ARL8B: variants seen among roughly 807,000 people sequenced by gnomAD.
ARL8B encodes the protein ARF like GTPase 8B.
In ARL8B, 9 loss-of-function variants were observed where a neutral mutation model predicts 30.6. The observed-to-expected ratio is 0.29, with a 90% CI of 0.18 to 0.51. ARL8B has a LOEUF of 0.51. Ranked by LOEUF, ARL8B falls within the 20% of genes least tolerant of loss-of-function variation. ARL8B has a pLI of 0.97. For synonymous variants in ARL8B, 74 were observed against 76.0 expected (o/e 0.97, Z 0.14); for missense variants, 130 against 227.2 (o/e 0.57, Z 2.75).
At chr3:5,175,896 TA>T (rs1405305563) in intron 6 of ARL8B, among the ~76,000 whole-genome samples, 2 of 152,212 alleles carry the variant, frequency 1.3e-5, no homozygotes, top group African/African-American at 4.8e-5. Flanking sequence ...AGGGCCCACC[TA>T]ATCCAGTATG....
chr3:5,143,249 G>A (rs779764274), intron 1 of ARL8B, among the ~76,000 whole-genome samples: 2 of 152,180 alleles, frequency 1.3e-5, no homozygotes, highest in African/African-American at 2.4e-5. Context: ...TGCTCTTTGC[G>A]TAGTAGGCCA....
chr3:5,175,537 A>G (rs2054722124), intron 6 of ARL8B, among the ~76,000 whole-genome samples: 2 of 152,250 alleles, frequency 1.3e-5, no homozygotes, highest in African/African-American at 4.8e-5. Context: ...TTGGAATTAT[A>G]TGCCCAAAAT....
intron 1 of ARL8B, among the ~76,000 whole-genome samples, chr3:5,154,099 T>C (rs2054511820): frequency 6.6e-6 from 1 of 152,190 alleles, no homozygotes; most frequent in Non-Finnish European, 1.5e-5. Context: ...TATATCTGGA[T>C]GTGGATTTCT....
intron 1 of ARL8B, among the ~76,000 whole-genome samples, chr3:5,145,963 AT>A (rs1439150122): frequency 6.6e-6 from 1 of 152,104 alleles, no homozygotes; most frequent in Non-Finnish European, 1.5e-5. Flanking sequence ...CTAGGAAATT[AT>A]TATAGTGGTT....
intron 1 of ARL8B, among the ~76,000 whole-genome samples, chr3:5,139,828 T>A (rs975123890): frequency 8.5e-5 from 13 of 152,238 alleles, no homozygotes; most frequent in African/African-American, 3.1e-4. Context: ...CTGGGAATTC[T>A]GAATGAGTCA....
intron 1 of ARL8B, among the ~76,000 whole-genome samples, chr3:5,146,626 G>T (rs2054421078): frequency 6.6e-6 from 1 of 152,042 alleles, no homozygotes; most frequent in East Asian, 1.9e-4. Context: ...TTATTAGGAG[G>T]CCCATTATGA....
At chr3:5,178,076 A>G (rs1479379535) in intron 6 of ARL8B, among the ~76,000 whole-genome samples, 2 of 152,220 alleles carry the variant, frequency 1.3e-5, no homozygotes, top group Non-Finnish European at 1.5e-5. Flanking sequence ...AGTGAGGACA[A>G]GAATTACCCA....
intron 1 of ARL8B, among the ~76,000 whole-genome samples, chr3:5,159,321 T>C (rs1195659183): frequency 5.1e-5 from 4 of 77,936 alleles, no homozygotes; most frequent in Non-Finnish European, 1.0e-4. Flanking sequence ...AAAAAAAAAA[T>C]GCCAGGTGCG....
At chr3:5,136,558 C>T (rs1239916111) in intron 1 of ARL8B, among the ~76,000 whole-genome samples, 1 of 152,134 alleles carries the variant, frequency 6.6e-6, no homozygotes, top group Non-Finnish European at 1.5e-5. Context: ...GCTCTTTGTG[C>T]CAAGTGTTTT....
chr3:5,167,010 C>G (rs1317198397), intron 1 of ARL8B, among the ~76,000 whole-genome samples: 1 of 152,058 alleles, frequency 6.6e-6, no homozygotes, highest in Non-Finnish European at 1.5e-5. Flanking sequence ...TTCCAATTTC[C>G]TTTTTCTAGA....
intron 1 of ARL8B, among the ~76,000 whole-genome samples, chr3:5,143,073 G>A (rs1469874705): frequency 1.3e-5 from 2 of 152,202 alleles, no homozygotes; most frequent in African/African-American, 4.8e-5. Context: ...TCAGGGCAAA[G>A]ATGTTTATTC....
chr3:5,175,364 T>C (rs921855888), intron 6 of ARL8B, among the ~76,000 whole-genome samples: 5 of 152,236 alleles, frequency 3.3e-5, no homozygotes, highest in African/African-American at 1.2e-4. Flanking sequence ...TAAGATTATG[T>C]GATACCAATT....
At chr3:5,125,707 A>G (rs978145460) in intron 1 of ARL8B, among the ~76,000 whole-genome samples, 11 of 151,906 alleles carry the variant, frequency 7.2e-5, no homozygotes, top group African/African-American at 2.7e-4. Flanking sequence ...TAATTTTTGT[A>G]TTTTTAGTAG....
chr3:5,129,284 C>T (rs1284298988), intron 1 of ARL8B, among the ~76,000 whole-genome samples: 1 of 152,058 alleles, frequency 6.6e-6, no homozygotes, highest in Non-Finnish European at 1.5e-5. Context: ...AAGCAATTCT[C>T]CTGCCTCAGC....
At chr3:5,144,666 G>A (rs887595007) in intron 1 of ARL8B, among the ~76,000 whole-genome samples, 1 of 152,140 alleles carries the variant, frequency 6.6e-6, no homozygotes, top group Non-Finnish European at 1.5e-5. Context: ...GGGATGTCTG[G>A]GATCAGGCTA....
intron 1 of ARL8B, among the ~76,000 whole-genome samples, chr3:5,144,324 C>T (rs1050946552): frequency 6.6e-6 from 1 of 152,174 alleles, no homozygotes; most frequent in African/African-American, 2.4e-5. Context: ...TATTTGAATG[C>T]TTTGAAATGG....
At chr3:5,158,485 A>G (rs571108703) in intron 1 of ARL8B, among the ~76,000 whole-genome samples, 4 of 152,332 alleles carry the variant, frequency 2.6e-5, no homozygotes, top group South Asian at 4.1e-4. Flanking sequence ...TCTGTGAGGT[A>G]GAGACTGTGG....
At chr3:5,159,978 T>C (rs2054567500) in intron 1 of ARL8B, among the ~76,000 whole-genome samples, 3 of 152,150 alleles carry the variant, frequency 2.0e-5, no homozygotes, top group Admixed American at 1.3e-4. Flanking sequence ...AGGACAATAG[T>C]ATCAAGGCCT....
At chr3:5,172,778 T>C (rs755243365) in intron 4 of ARL8B, 38 bp downstream of exon 4, 5 of 1,174,934 alleles carry the variant, frequency 4.3e-6, no homozygotes, top group Non-Finnish European at 5.0e-6. Context: ...ATTGTAATTA[T>C]ATAATGATAT....
Sources: gnomAD v4.1 joint callset for allele counts (sites outside exome capture counted in the v4.1 genomes callset) on GRCh38, gnomAD v4.1.1 for gene constraint, MANE v1.5 for transcripts, NCBI Gene and HGNC (gene_info 2026-07-23, HGNC 2026-07-21) for gene names.